The following PDLIM7 variants were observed in gnomAD, a reference collection of about 807,000 sequenced individuals.
PDLIM7 encodes the protein PDZ and LIM domain 7, also known as PDZ and LIM domain protein 7.
Under a neutral mutation model 53.9 loss-of-function variants are expected in PDLIM7, and 37 were observed. The observed-to-expected ratio is 0.69, with a 90% CI of 0.53 to 0.90. The LOEUF (loss-of-function observed/expected upper bound fraction) is 0.90, where lower values mean the gene tolerates loss of function less well. PDLIM7 is among the 40% of genes least tolerant of loss of function. PDLIM7 has a pLI of 0.00. For synonymous variants in PDLIM7, 300 were observed against 261.3 expected (o/e 1.15, Z -1.43); for missense variants, 617 against 638.5 (o/e 0.97, Z 0.36).
At chr5:177,496,242 T>C (rs753591174) in intron 2 of PDLIM7, among the ~76,000 whole-genome samples, 175 bp downstream of exon 2, 3 of 152,152 alleles carry the variant, frequency 2.0e-5, no homozygotes, top group Non-Finnish European at 4.4e-5. Context: ...TCCCTCCCAG[T>C]ATCCACCTCA....
At chr5:177,494,717 AG>A (rs1399201461) in intron 2 of PDLIM7, among the ~76,000 whole-genome samples, 1 of 152,234 alleles carries the variant, frequency 6.6e-6, no homozygotes, top group East Asian at 1.9e-4. Context: ...AGCCAGGGGC[AG>A]GGTAAGGCCA....
chr5:177,486,269 C>A (rs1561699053), intron 10 of PDLIM7, among the ~76,000 whole-genome samples: 1 of 152,108 alleles, frequency 6.6e-6, no homozygotes, highest in Non-Finnish European at 1.5e-5. Flanking sequence ...TAAAATGAAA[C>A]AGTGTGGGCC....
intron 10 of PDLIM7, 25 bp from the exon 11 acceptor site, chr5:177,484,215 G>A: frequency 6.2e-7 from 1 of 1,609,932 alleles, no homozygotes; most frequent in Non-Finnish European, 8.5e-7. Context: ...CAGTCACTCG[G>A]CAGGCTCAGG....
intron 10 of PDLIM7, among the ~76,000 whole-genome samples, chr5:177,486,824 G>A (rs894020948): frequency 6.6e-6 from 1 of 151,186 alleles, no homozygotes; most frequent in Non-Finnish European, 1.5e-5. Context: ...GTAGAGATGG[G>A]GTTTCACCGT....
intron 7 of PDLIM7, 75 bp downstream of exon 7, chr5:177,490,795 C>CAGGAGTAGACACAG: frequency 1.3e-6 from 2 of 1,529,028 alleles, no homozygotes; most frequent in South Asian, 2.2e-5. Context: ...CTGGGAGCCT[C>CAGGAGTAGACACAG]AGGAGTAGAC....
At chr5:177,495,898 A>C (rs1759046766) in intron 2 of PDLIM7, among the ~76,000 whole-genome samples, 1 of 151,806 alleles carries the variant, frequency 6.6e-6, no homozygotes, top group African/African-American at 2.4e-5. Flanking sequence ...TACCCACAAA[A>C]AATGTACGCC....
At chr5:177,491,778 T>TGGGCGC in intron 5 of PDLIM7, 29 bp downstream of exon 5, 1 of 1,082,174 alleles carries the variant, frequency 9.2e-7, no homozygotes, top group Non-Finnish European at 1.2e-6. Flanking sequence ...CCTGATGGCG[T>TGGGCGC]GGGCGCGGGC....
At chr5:177,486,921 G>A (rs1324922096) in intron 10 of PDLIM7, among the ~76,000 whole-genome samples, 4 of 129,174 alleles carry the variant, frequency 3.1e-5, no homozygotes, top group East Asian at 2.3e-4. Context: ...GTGAGCCACC[G>A]TGCCTGGCCC....
chr5:177,492,659 C>T lies in PDLIM7; in HGVS notation c.115G>A (p.Ala39Thr). 1 of 1,606,178 alleles carries T rather than the reference C, an allele frequency of 6.2e-7. No homozygotes were observed. The highest frequency in any genetic ancestry group is 8.5e-7 in the Non-Finnish European group (1 of 1,179,914). The change falls in exon 3 of 13, where the codon GCG becomes ACG. Residue 39 changes from alanine to threonine, a missense_variant. Physicochemically the swap from Ala to Thr is moderately conservative, Grantham distance 58. Transcript: ENST00000355841. ...SISRLTPGGKAAQAGVAVGDW... is the reference protein window; with the variant it reads ...SISRLTPGGKTAQAGVAVGDW... ...CCCACGGCCACTCCGGCCTGCGCCG[C>T]TTTGCCCCCAGGAGTGAGCTGTGGA... is the stretch of plus-strand genomic sequence containing the variant.
In PDLIM7 at chr5:177,490,400, G is replaced by A. The variant is rs575388696; in HGVS notation, c.572+470C>T. The A allele has an allele frequency of 3.4e-6, 5 of 1,490,796 alleles. No homozygotes were observed. In the African/African-American group the frequency reaches 5.5e-5, roughly 17 times the overall value. 92.3% of individuals were successfully genotyped at this position (1,490,796 alleles called of 1,614,324 possible). On this transcript the variant is annotated intron_variant, in intron 7 of 12. Transcript: ENST00000355841. ...TCAGGCCAGGGGCACGAAAGGGGGG[G>A]TGAGGTAGGCAGAAGCTGGAGGCAC...
In PDLIM7 at chr5:177,491,113, G is replaced by C. The variant is rs778431176; in HGVS notation, c.432C>G (p.Ser144Arg). Residue 144 changes from serine to arginine, a missense_variant, in exon 6 of 13, where the codon AGC becomes AGG. Ser to Arg is a moderately radical substitution (Grantham distance 110). Coordinates refer to ENST00000355841, the MANE Select transcript of PDLIM7 (RefSeq NM_005451.5). ...CTGTGTTCTCCATCAGCCGCTGCTTGCTGGCATCTGGGACCAGCGGTCGGA... is the reference window on the plus strand; with the variant it reads ...CTGTGTTCTCCATCAGCCGCTGCTTCCTGGCATCTGGGACCAGCGGTCGGA... The part of the protein sequence containing the change: ...QPLRPLVPDA[S>R]KQRLMENTED... 1.9e-6 allele frequency: 3 copies of C among 1,612,154 alleles called. No homozygotes were observed. The highest frequency in any genetic ancestry group is 1.3e-5 in the African/African-American group (1 of 74,864).
intron 10 of PDLIM7, among the ~76,000 whole-genome samples, chr5:177,485,426 C>T (rs569277002): frequency 7.8e-4 from 119 of 152,290 alleles, no homozygotes; most frequent in Non-Finnish European, 1.2e-3. Flanking sequence ...GGCCTCGAGG[C>T]GGTATGAGGG....
Position 177,491,859 on chromosome 5 carries a change from C to T in PDLIM7, c.346G>A (p.Ala116Thr). ...FAPSVSLNKTARPFGAPPPAD... is the reference protein window; with the variant it reads ...FAPSVSLNKTTRPFGAPPPAD... Reference sequence around the variant, plus strand: ...GGCGGGGGCGCCCCAAAGGGCCGGGCCGTCTTGTTGAGGGAGACGCTGGGT... The same window carrying T: ...GGCGGGGGCGCCCCAAAGGGCCGGGTCGTCTTGTTGAGGGAGACGCTGGGT... Residue 116 changes from alanine to threonine, a missense_variant, in exon 5 of 13, where the codon GCC (alanine) becomes ACC (threonine). Transcript: ENST00000355841. 7.8e-7 allele frequency: 1 copy of T among 1,280,576 alleles called. No homozygotes were observed. Among genetic ancestry groups the T allele is most frequent in the South Asian group, 3.2e-5 (1 of 30,800 alleles). The allele number at this position is 1,280,576 out of a possible 1,614,324, so 79.3% of individuals were successfully genotyped here. A position where few individuals can be genotyped will look rare whatever the true frequency, so the allele number is the denominator to read the frequency against.
intron 10 of PDLIM7, among the ~76,000 whole-genome samples, chr5:177,486,966 TTGCTG>T (rs1758495903): frequency 1.3e-5 from 1 of 75,494 alleles, no homozygotes; most frequent in Non-Finnish European, 2.8e-5. Context: ...TTTTTTTTTT[TTGCTG>T]TCTCCCAGGC....
At chr5:177,491,180 G>C in intron 5 of PDLIM7, 34 bp from the exon 6 acceptor site, 1 of 1,574,182 alleles carries the variant, frequency 6.4e-7, no homozygotes. Context: ...ACCCCACACT[G>C]GGGGTGGGCG....
intron 9 of PDLIM7, among the ~76,000 whole-genome samples, 157 bp from the exon 10 acceptor site, chr5:177,488,405 C>T (rs1441863716): frequency 3.3e-5 from 5 of 152,280 alleles, no homozygotes; most frequent in South Asian, 4.1e-4. Flanking sequence ...GGGAAGTGAC[C>T]GTGGCAGCCG....
In PDLIM7 at chr5:177,489,823, G is replaced by C; in HGVS notation, c.582C>G (p.Pro194=). ...EEHLKKSSQV[P]RTEAPAPASS... ...AGGCTGGGGCTGGGGCTTCTGTCCT[G>C]GGCACCTGGCTGCAAGATCTGCCAT... The change falls in exon 8 of 13, where the codon CCC becomes CCG. Residue 194 remains proline (P), a synonymous_variant. Transcript: ENST00000355841. 6.3e-7 allele frequency: 1 copy of C among 1,585,322 alleles called. No individual in the cohort carries two copies. Among genetic ancestry groups the C allele is most frequent in the Non-Finnish European group, 8.6e-7 (1 of 1,167,538 alleles).
chr5:177,495,563 A>T (rs1462633913), intron 2 of PDLIM7, among the ~76,000 whole-genome samples: 2 of 152,192 alleles, frequency 1.3e-5, no homozygotes, highest in African/African-American at 4.8e-5. Context: ...ATATAGCTGG[A>T]GCTGCAGCCT....
At chr5:177,491,777 G>A in intron 5 of PDLIM7, 30 bp downstream of exon 5, 16 of 1,075,370 alleles carry the variant, frequency 1.5e-5, no homozygotes, top group Non-Finnish European at 1.8e-5. Flanking sequence ...GCCTGATGGC[G>A]TGGGCGCGGG....
Sources: allele counts gnomAD v4.1 joint callset (sites outside exome capture counted in the v4.1 genomes callset), GRCh38; gene constraint gnomAD v4.1.1; transcripts MANE v1.5; gene names NCBI Gene and HGNC (gene_info 2026-07-23, HGNC 2026-07-21).